Variants in UXS1 observed in about 807,000 individuals in gnomAD.
UXS1 encodes UDP-glucuronic acid decarboxylase 1.
Under a neutral mutation model 62.6 loss-of-function variants are expected in UXS1, and 33 were observed. The observed-to-expected ratio is 0.53, with a 90% CI of 0.40 to 0.70. UXS1 has a LOEUF of 0.70. UXS1 is among the 30% of genes least tolerant of loss of function. UXS1 has a pLI of 0.00. For synonymous variants in UXS1, 213 were observed against 206.8 expected (o/e 1.03, Z -0.26); for missense variants, 434 against 556.3 (o/e 0.78, Z 2.21).
intron 1 of UXS1, among the ~76,000 whole-genome samples, chr2:106,189,181 A>C (rs951745024): frequency 2.0e-5 from 3 of 152,184 alleles, no homozygotes; most frequent in African/African-American, 7.2e-5. Flanking sequence ...AATTCCCATA[A>C]CTGAAGAATA....
chr2:106,182,921 T>C (rs1290916353), intron 1 of UXS1, among the ~76,000 whole-genome samples: 2 of 152,016 alleles, frequency 1.3e-5, no homozygotes, highest in East Asian at 1.9e-4. Context: ...GAACCTAGGA[T>C]AGAAATTCTG....
intron 6 of UXS1, 88 bp downstream of exon 6, chr2:106,145,102 G>T: frequency 6.9e-7 from 1 of 1,439,466 alleles, no homozygotes; most frequent in Non-Finnish European, 9.5e-7. Context: ...AATGTGCTGA[G>T]TCAAACAGCT....
At chr2:106,106,696 G>A (rs1678100347) in intron 10 of UXS1, among the ~76,000 whole-genome samples, 1 of 152,174 alleles carries the variant, frequency 6.6e-6, no homozygotes. Flanking sequence ...TGATTCTCTG[G>A]CCTGGCTGAT....
At chr2:106,144,449 C>T (rs1454194504) in intron 6 of UXS1, among the ~76,000 whole-genome samples, 3 of 152,126 alleles carry the variant, frequency 2.0e-5, no homozygotes, top group Non-Finnish European at 4.4e-5. Flanking sequence ...AACGAAAAGG[C>T]AAAAACTTTT....
intron 1 of UXS1, chr2:106,179,458 C>T (rs1321842713): frequency 6.6e-6 from 1 of 152,312 alleles, no homozygotes; most frequent in Non-Finnish European, 1.5e-5. Context: ...CTGTCTCCAC[C>T]TTCACGATGA....
chr2:106,164,361 T>C (rs1228817415), intron 3 of UXS1, among the ~76,000 whole-genome samples: 1 of 152,268 alleles, frequency 6.6e-6, no homozygotes, highest in Non-Finnish European at 1.5e-5. Context: ...AACGTCTCCA[T>C]CTGTGCACGT....
At chr2:106,176,685 G>C (rs979311946) in intron 1 of UXS1, among the ~76,000 whole-genome samples, 1 of 152,218 alleles carries the variant, frequency 6.6e-6, no homozygotes, top group Non-Finnish European at 1.5e-5. Flanking sequence ...CCAGGCCTGT[G>C]CTCATTCTAA....
rs114924352 is a variant in UXS1 at position 106,147,196 on chromosome 2, C to A, written c.292-1826G>T. Reference sequence around the variant, plus strand: ...CTGAGTGGGCCCCCTCTTGGCCAAACGGAACCCCAGAGAAACCTGAAAAGC... The same window carrying A: ...CTGAGTGGGCCCCCTCTTGGCCAAAAGGAACCCCAGAGAAACCTGAAAAGC... On this transcript the variant is annotated intron_variant, in intron 5 of 14. Transcript: ENST00000283148. 2.8e-3 allele frequency among the ~76,000 whole-genome samples: 422 copies of A among 152,100 alleles called. 1 individual carries two copies. The highest frequency in any genetic ancestry group is 9.6e-3 in the African/African-American group (398 of 41,498).
At chr2:106,138,329 C>T (rs1238418298) in intron 6 of UXS1, 1 of 985,454 alleles carries the variant, frequency 1.0e-6, no homozygotes, top group Non-Finnish European at 1.2e-6. Context: ...CTGCCTTGTC[C>T]AGAGATTCAC....
At chr2:106,152,487 G>A (rs1294867720) in intron 5 of UXS1, among the ~76,000 whole-genome samples, 6 of 26,016 alleles carry the variant, frequency 2.3e-4, no homozygotes, top group African/African-American at 3.9e-4. Flanking sequence ...GGAAGGAAGG[G>A]AGGGAGAGAG....
intron 1 of UXS1, among the ~76,000 whole-genome samples, chr2:106,184,076 C>T (rs1684410871): frequency 6.6e-6 from 1 of 152,138 alleles, no homozygotes; most frequent in Non-Finnish European, 1.5e-5. Context: ...CTTGTGATCC[C>T]AGCTACTCAG....
At position 106,194,147 on chromosome 2, in the gene UXS1, C is replaced by A; in HGVS notation, c.94+1G>T. 1 of 1,478,050 alleles carries A rather than the reference C, an allele frequency of 6.8e-7. No individual in the cohort carries two copies. The allele number at this position is 1,478,050 out of a possible 1,614,324, so 91.6% of individuals were successfully genotyped here. A position where few individuals can be genotyped will look rare whatever the true frequency, so the allele number is the denominator to read the frequency against. ...CCAGCTGGCAGCGGGCGCGCACTCA[C>A]AGGCGACGTAGGCCAGCAAGGCGAT... On this transcript the variant is annotated splice_donor_variant, in intron 1 of 14. Coordinates refer to ENST00000283148, the MANE Select transcript of UXS1 (RefSeq NM_001253875.2). LOFTEE classifies it high-confidence loss of function.
chr2:106,099,742 C>G (rs777211890), intron 12 of UXS1, among the ~76,000 whole-genome samples: 2 of 152,168 alleles, frequency 1.3e-5, no homozygotes, highest in Non-Finnish European at 2.9e-5. Flanking sequence ...AGAGCAGGGG[C>G]GCCTCGGGCC....
chr2:106,152,289 T>G (rs1026868421), intron 5 of UXS1, among the ~76,000 whole-genome samples: 1 of 151,954 alleles, frequency 6.6e-6, no homozygotes, highest in African/African-American at 2.4e-5. Context: ...CCACCTCTAC[T>G]AAAAATACAA....
At chr2:106,190,599 C>T (rs565248648) in intron 1 of UXS1, among the ~76,000 whole-genome samples, 9 of 151,984 alleles carry the variant, frequency 5.9e-5, no homozygotes, top group Admixed American at 3.3e-4. Context: ...CAAAATTAGC[C>T]GGGCGTGGTG....
intron 7 of UXS1, 79 bp from the exon 8 acceptor site, chr2:106,125,758 GT>G: frequency 1.6e-6 from 2 of 1,265,678 alleles, no homozygotes; most frequent in Non-Finnish European, 2.2e-6. Context: ...TTTAAGCAAT[GT>G]TTTAGTATTA....
At chr2:106,156,423 CAT>C (rs1166804885) in intron 5 of UXS1, among the ~76,000 whole-genome samples, 1 of 152,184 alleles carries the variant, frequency 6.6e-6, no homozygotes, top group Admixed American at 6.5e-5. Flanking sequence ...CTGGAACACT[CAT>C]ATGCTGCTGG....
chr2:106,169,178 T>C (rs1262216173), intron 1 of UXS1, among the ~76,000 whole-genome samples: 1 of 152,190 alleles, frequency 6.6e-6, no homozygotes, highest in Admixed American at 6.5e-5. Flanking sequence ...GCCCAACCCA[T>C]GTGCGCTTTT....
chr2:106,186,521 T>TATGG (rs1684569047), intron 1 of UXS1, among the ~76,000 whole-genome samples: 1 of 151,242 alleles, frequency 6.6e-6, no homozygotes. Context: ...CACACACATA[T>TATGG]ATAGGTAAAT....
Sources: allele counts gnomAD v4.1 joint callset (sites outside exome capture counted in the v4.1 genomes callset), GRCh38; gene constraint gnomAD v4.1.1; transcripts MANE v1.5; gene names NCBI Gene and HGNC (gene_info 2026-07-23, HGNC 2026-07-21).